ALDH5A1: variants seen among roughly 807,000 people sequenced by gnomAD.
ALDH5A1 encodes the protein succinate-semialdehyde dehydrogenase, mitochondrial.
ALDH5A1 carries 33 observed loss-of-function variants against 54.7 expected under a neutral mutation model. That is an observed-to-expected ratio of 0.60 (90% confidence interval 0.46 to 0.81). The LOEUF (loss-of-function observed/expected upper bound fraction) is 0.81. ALDH5A1 is among the 30% of genes least tolerant of loss of function. ALDH5A1 has a pLI of 0.00. For missense variants in ALDH5A1, 657 were observed against 711.0 expected (o/e 0.92, Z 0.86); for synonymous variants, 294 against 292.7 (o/e 1.00, Z -0.05).
chr6:24,495,383 G>A (rs946603105), intron 1 of ALDH5A1, 33 bp downstream of exon 1: 2 of 1,528,038 alleles, frequency 1.3e-6, no homozygotes, highest in African/African-American at 2.7e-5. Flanking sequence ...GGCCAGAGCT[G>A]GCCGGGGACA....
intron 1 of ALDH5A1, among the ~76,000 whole-genome samples, 188 bp from the exon 2 acceptor site, chr6:24,502,335 G>A (rs1229788527): frequency 6.6e-6 from 1 of 152,036 alleles, no homozygotes; most frequent in Non-Finnish European, 1.5e-5. Flanking sequence ...AAACACTCAC[G>A]GACATACCCA....
intron 5 of ALDH5A1, among the ~76,000 whole-genome samples, chr6:24,519,328 G>C (rs539951449): frequency 1.2e-4 from 19 of 152,302 alleles, no homozygotes; most frequent in African/African-American, 4.1e-4. Context: ...ACTTTGGGAG[G>C]CTGAGGCAGA....
intron 5 of ALDH5A1, among the ~76,000 whole-genome samples, chr6:24,516,065 T>C (rs964710887): frequency 6.6e-6 from 1 of 152,216 alleles, no homozygotes; most frequent in East Asian, 1.9e-4. Context: ...GAGTTTTTTT[T>C]CCCTTAAATG....
chr6:24,523,276 AATG>A (rs1328105754), intron 7 of ALDH5A1, among the ~76,000 whole-genome samples: 2 of 152,162 alleles, frequency 1.3e-5, no homozygotes, highest in Admixed American at 6.5e-5. Flanking sequence ...TGGAATTTTC[AATG>A]ATGTTTTCAT....
intron 4 of ALDH5A1, among the ~76,000 whole-genome samples, chr6:24,508,406 C>G (rs375134537): frequency 2.3e-4 from 2 of 8,834 alleles, no homozygotes; most frequent in Non-Finnish European, 5.5e-4. Context: ...AGTCTCTAAT[C>G]CTCTAATCTC....
rs1220262012 is a variant in ALDH5A1, at chr6:24,537,177, C to T, written c.*3465C>T. On this transcript the variant is annotated 3_prime_UTR_variant, in exon 10 of 10. Transcript: ENST00000357578. ...TGCAGAGAGCTGTGTGATTAATAAA[C>T]GTGGAATTAACAGAATTTCCTCTCC... is the stretch of plus-strand genomic sequence containing the variant. 1 of 152,542 alleles carries T rather than the reference C, an allele frequency of 6.6e-6. No homozygotes were observed. Among genetic ancestry groups the T allele is most frequent in the Non-Finnish European group, 1.5e-5 (1 of 68,032 alleles). 9.4% of individuals were successfully genotyped at this position (152,542 alleles called of 1,614,324 possible). A position where few individuals can be genotyped will look rare whatever the true frequency, so the allele number is the denominator to read the frequency against.
chr6:24,523,520 C>A (rs2127388169), intron 7 of ALDH5A1, among the ~76,000 whole-genome samples: 1 of 152,280 alleles, frequency 6.6e-6, no homozygotes, highest in South Asian at 2.1e-4. Flanking sequence ...TGCACCAAGT[C>A]CCCATGCGGT....
At chr6:24,522,638 T>C (rs978879138) in intron 6 of ALDH5A1, 129 bp from the exon 7 acceptor site, 10 of 1,103,234 alleles carry the variant, frequency 9.1e-6, no homozygotes, top group Admixed American at 5.2e-5. Flanking sequence ...AGGAGGAAAA[T>C]GGCAGTTTGA....
intron 5 of ALDH5A1, among the ~76,000 whole-genome samples, chr6:24,516,052 TTTGAG>T (rs1270889436): frequency 4.6e-5 from 7 of 152,310 alleles, no homozygotes; most frequent in African/African-American, 1.7e-4. Flanking sequence ...GGTCTTTTTC[TTTGAG>T]TTTTTTTTCC....
intron 8 of ALDH5A1, among the ~76,000 whole-genome samples, chr6:24,529,463 G>A (rs1312488669): frequency 2.0e-5 from 3 of 151,572 alleles, no homozygotes; most frequent in African/African-American, 7.3e-5. Flanking sequence ...CACCACGCCC[G>A]GCCTCTTTAT....
chr6:24,511,235 C>T (rs1360892461), intron 4 of ALDH5A1, among the ~76,000 whole-genome samples: 1 of 152,160 alleles, frequency 6.6e-6, no homozygotes, highest in African/African-American at 2.4e-5. Flanking sequence ...GGTGCTTTTG[C>T]CTCACAGCCC....
chr6:24,497,757 G>A (rs1764743160), intron 1 of ALDH5A1, among the ~76,000 whole-genome samples: 1 of 152,102 alleles, frequency 6.6e-6, no homozygotes, highest in African/African-American at 2.4e-5. Flanking sequence ...GGGAAGAGTG[G>A]GTGGAACATG....
chr6:24,504,800 A>G (rs1759305558), intron 3 of ALDH5A1, 69 bp from the exon 4 acceptor site: 4 of 1,451,018 alleles, frequency 2.8e-6, no homozygotes, highest in African/African-American at 1.4e-5. Context: ...TGACTTCCCA[A>G]CATGCCTTCC....
chr6:24,532,037 G>T lies in ALDH5A1; in HGVS notation c.1344-82G>T, dbSNP rs1759946300. 4 of 1,306,922 alleles carry T rather than the reference G, an allele frequency of 3.1e-6. No homozygotes were observed. The African/African-American group carries it at 4.3e-5, about 14-fold the overall frequency. The allele number at this position is 1,306,922 out of a possible 1,614,324, so 81.0% of individuals were successfully genotyped here. A position where few individuals can be genotyped will look rare whatever the true frequency, so the allele number is the denominator to read the frequency against. ...TCTGATTTACTCCTTGTGATTATTTGGGAAACAAATCAGAAGAAAACAAAA... is the reference window on the plus strand; with the variant it reads ...TCTGATTTACTCCTTGTGATTATTTTGGAAACAAATCAGAAGAAAACAAAA... On this transcript the variant is annotated intron_variant, in intron 8 of 9. Coordinates refer to ENST00000357578, the MANE Select transcript of ALDH5A1 (RefSeq NM_001080.3).
intron 8 of ALDH5A1, among the ~76,000 whole-genome samples, chr6:24,529,141 A>T (rs1375622344): frequency 6.6e-6 from 1 of 150,714 alleles, no homozygotes; most frequent in Non-Finnish European, 1.5e-5. Context: ...TGGAGATATT[A>T]CTCCTTTATC....
chr6:24,508,765 A>G (rs976784094), intron 4 of ALDH5A1, among the ~76,000 whole-genome samples: 2 of 152,226 alleles, frequency 1.3e-5, no homozygotes, highest in African/African-American at 4.8e-5. Context: ...TGTTCACCAC[A>G]TCCACACTGA....
chr6:24,523,978 T>A (rs1484940939), intron 7 of ALDH5A1, among the ~76,000 whole-genome samples: 1 of 133,382 alleles, frequency 7.5e-6, no homozygotes, highest in East Asian at 2.1e-4. Flanking sequence ...AACATCCAGT[T>A]TTTTGTGTTT....
At chr6:24,528,211 A>C (rs1254135492) in intron 8 of ALDH5A1, 45 bp downstream of exon 8, 1 of 1,609,866 alleles carries the variant, frequency 6.2e-7, no homozygotes, top group Non-Finnish European at 8.5e-7. Flanking sequence ...AGAATAGAAG[A>C]GAACATAGGA....
At position 24,533,849 on chromosome 6, in the gene ALDH5A1, A is replaced by G; in HGVS notation, c.*137A>G. On this transcript the variant is annotated 3_prime_UTR_variant, in exon 10 of 10. Coordinates refer to ENST00000357578, the MANE Select transcript of ALDH5A1 (RefSeq NM_001080.3). ...GAACTCATCCAGTCCTTGTAATCTTAAACAGATGCAAATCCTACCCCTGCC... is the reference window on the plus strand; with the variant it reads ...GAACTCATCCAGTCCTTGTAATCTTGAACAGATGCAAATCCTACCCCTGCC... The G allele has an allele frequency of 1.2e-6, 1 of 837,838 alleles. No homozygotes were observed. Among genetic ancestry groups the G allele is most frequent in the Non-Finnish European group, 1.9e-6 (1 of 538,338 alleles). 51.9% of individuals were successfully genotyped at this position (837,838 alleles called of 1,614,324 possible).
Sources: allele counts gnomAD v4.1 joint callset (sites outside exome capture counted in the v4.1 genomes callset), GRCh38; gene constraint gnomAD v4.1.1; transcripts MANE v1.5; gene names NCBI Gene and HGNC (gene_info 2026-07-23, HGNC 2026-07-21).